The following CSMD3 variants were observed in gnomAD, a reference collection of about 807,000 sequenced individuals.
CSMD3 encodes CUB and Sushi multiple domains 3, also known as CUB and sushi domain-containing protein 3.
CSMD3 carries 177 observed loss-of-function variants against 435.2 expected under a neutral mutation model. The observed-to-expected ratio is 0.41, with a 90% CI of 0.36 to 0.46. The LOEUF (loss-of-function observed/expected upper bound fraction) is 0.46. Ranked by LOEUF, CSMD3 falls within the 20% of genes least tolerant of loss-of-function variation. The pLI, the probability that CSMD3 is intolerant of heterozygous loss-of-function variation, is 0.34. For synonymous variants in CSMD3, 1,656 were observed against 1,520.5 expected (o/e 1.09, Z -2.07); for missense variants, 4,265 against 4,504.6 (o/e 0.95, Z 1.52).
At chr8:112,306,941 T>C (rs1821478561) in intron 50 of CSMD3, among the ~76,000 whole-genome samples, 1 of 152,112 alleles carries the variant, frequency 6.6e-6, no homozygotes, top group Non-Finnish European at 1.5e-5. Context: ...TATTTTATAC[T>C]TTACAATTTT....
rs1812336107 is a variant in CSMD3, at chr8:112,223,646, G to T, written c.*1125C>A. On this transcript the variant is annotated 3_prime_UTR_variant, in exon 71 of 71. Coordinates refer to ENST00000297405, the MANE Select transcript of CSMD3 (RefSeq NM_198123.2). ...ATAAAAATATGATAAGTCCACAATT[G>T]TAGGCAATAAATTTATATTGGTGAT... 6.6e-6 allele frequency: 1 copy of T among 152,018 alleles called. No individual in the cohort carries two copies. The highest frequency in any genetic ancestry group is 6.6e-5 in the Admixed American group (1 of 15,252). 9.4% of individuals were successfully genotyped at this position (152,018 alleles called of 1,614,324 possible). A position where few individuals can be genotyped will look rare whatever the true frequency, so the allele number is the denominator to read the frequency against.
chr8:112,898,952 A>G (rs2082026728), intron 10 of CSMD3, among the ~76,000 whole-genome samples: 1 of 151,268 alleles, frequency 6.6e-6, no homozygotes. Flanking sequence ...CAAAGTTTAC[A>G]TTACTAACTC....
chr8:112,793,796 G>C (rs1032723373), intron 13 of CSMD3, among the ~76,000 whole-genome samples: 1 of 152,148 alleles, frequency 6.6e-6, no homozygotes, highest in African/African-American at 2.4e-5. Context: ...ATTGGTAAAA[G>C]AAGAAGTCAC....
chr8:113,061,995 G>C (rs1034297011), intron 5 of CSMD3, among the ~76,000 whole-genome samples: 2 of 151,588 alleles, frequency 1.3e-5, no homozygotes, highest in Non-Finnish European at 3.0e-5. Context: ...GTAAAAATTA[G>C]AGACACCAGT....
intron 1 of CSMD3, among the ~76,000 whole-genome samples, chr8:113,414,552 CTCTT>C (rs1470088917): frequency 6.7e-6 from 1 of 149,238 alleles, no homozygotes; most frequent in African/African-American, 2.5e-5. Context: ...CATGAAAACT[CTCTT>C]TGGTGTAATA....
rs535547987 is a variant in CSMD3, at chr8:113,269,756, C to T, written c.514+8836G>A. Among the ~76,000 whole-genome samples, 12 of 152,068 alleles carry T rather than the reference C, an allele frequency of 7.9e-5. No individual in the cohort carries two copies. The South Asian group carries it at 1.2e-3, about 16-fold the overall frequency. ...AAATGGTGCTGGGAAAACTGGCTAG[C>T]CATATGTAGAAAGCTGAAACTGGAT... On this transcript the variant is annotated intron_variant, in intron 3 of 70. Coordinates refer to ENST00000297405, the MANE Select transcript of CSMD3 (RefSeq NM_198123.2).
At chr8:112,656,938 A>C (rs963826535) in intron 17 of CSMD3, among the ~76,000 whole-genome samples, 2 of 152,064 alleles carry the variant, frequency 1.3e-5, no homozygotes, top group Non-Finnish European at 2.9e-5. Context: ...CAGCAGCTCT[A>C]TTAAAGACTT....
At chr8:112,939,918 T>C (rs192399875) in intron 9 of CSMD3, among the ~76,000 whole-genome samples, 8 of 152,072 alleles carry the variant, frequency 5.3e-5, no homozygotes, top group African/African-American at 1.7e-4. Context: ...TACAAATACT[T>C]ATAGCAGTAT....
intron 22 of CSMD3, among the ~76,000 whole-genome samples, chr8:112,635,554 C>T (rs577508965): frequency 1.3e-5 from 2 of 151,974 alleles, no homozygotes; most frequent in South Asian, 2.1e-4. Flanking sequence ...GGAAAAGATG[C>T]CCTGAGAGTA....
intron 1 of CSMD3, among the ~76,000 whole-genome samples, chr8:113,317,329 C>T (rs1235924846): frequency 2.0e-5 from 3 of 152,130 alleles, no homozygotes; most frequent in African/African-American, 7.2e-5. Context: ...TAAAGGCAAG[C>T]ATGAATCCCT....
chr8:112,852,044 G>C (rs1240189238), intron 11 of CSMD3, among the ~76,000 whole-genome samples: 1 of 152,096 alleles, frequency 6.6e-6, no homozygotes, highest in African/African-American at 2.4e-5. Flanking sequence ...TTTGCTTAGA[G>C]AAGTTATTTT....
intron 5 of CSMD3, among the ~76,000 whole-genome samples, chr8:113,087,606 G>A (rs1331008161): frequency 1.3e-5 from 2 of 151,994 alleles, no homozygotes; most frequent in Non-Finnish European, 2.9e-5. Flanking sequence ...AAGAAATGGG[G>A]AAAGGATTCC....
intron 31 of CSMD3, among the ~76,000 whole-genome samples, chr8:112,479,556 G>A (rs1019741897): frequency 1.6e-4 from 24 of 152,192 alleles, no homozygotes; most frequent in African/African-American, 5.8e-4. Flanking sequence ...CAGGCCCATG[G>A]CCCTGCTGCC....
intron 6 of CSMD3, among the ~76,000 whole-genome samples, chr8:112,989,475 C>A (rs558823597): frequency 2.0e-5 from 3 of 152,010 alleles, no homozygotes; most frequent in Admixed American, 2.0e-4. Flanking sequence ...GAGTTTCTAC[C>A]TTTTGCTAGC....
intron 1 of CSMD3, among the ~76,000 whole-genome samples, chr8:113,361,728 A>G (rs2094278380): frequency 6.6e-6 from 1 of 150,632 alleles, no homozygotes; most frequent in Non-Finnish European, 1.5e-5. Flanking sequence ...TGTAATTTTT[A>G]GGCAACTGAG....
chr8:112,571,926 G>T (rs1037493046), intron 24 of CSMD3, among the ~76,000 whole-genome samples: 1 of 150,016 alleles, frequency 6.7e-6, no homozygotes, highest in Admixed American at 6.7e-5. Flanking sequence ...AATGCAACAT[G>T]ATGCAGAACA....
intron 4 of CSMD3, among the ~76,000 whole-genome samples, chr8:113,142,647 A>AT (rs2091576075): frequency 6.6e-6 from 1 of 151,174 alleles, no homozygotes; most frequent in African/African-American, 2.4e-5. Flanking sequence ...GGGTAGACAC[A>AT]TATAATTAGA....
intron 9 of CSMD3, among the ~76,000 whole-genome samples, chr8:112,931,188 T>C (rs2083095545): frequency 6.6e-6 from 1 of 152,046 alleles, no homozygotes; most frequent in African/African-American, 2.4e-5. Flanking sequence ...CTTTCATGAA[T>C]AAAATGTGAA....
At position 113,238,407 on chromosome 8, in the gene CSMD3, T is replaced by C. The variant is rs567615819; in HGVS notation, c.514+40185A>G. 3.3e-5 allele frequency among the ~76,000 whole-genome samples: 5 copies of C among 152,218 alleles called. No individual in the cohort carries two copies. In the South Asian group the frequency reaches 1.0e-3, roughly 32 times the overall value. ...TTATATTGGGGTTAGACCAGTTGAA[T>C]TTTGGACTATACCATTTCCATTTGA... On this transcript the variant is annotated intron_variant, in intron 3 of 70. Transcript: ENST00000297405.
Sources: allele counts gnomAD v4.1 joint callset (sites outside exome capture counted in the v4.1 genomes callset), GRCh38; gene constraint gnomAD v4.1.1; transcripts MANE v1.5; gene names NCBI Gene and HGNC (gene_info 2026-07-23, HGNC 2026-07-21).